IDH3B: variants seen among roughly 807,000 people sequenced by gnomAD.
The protein encoded by IDH3B is isocitrate dehydrogenase [NAD] subunit beta, mitochondrial.
IDH3B carries 40 observed loss-of-function variants against 47.5 expected under a neutral mutation model. That is an observed-to-expected ratio of 0.84 (90% CI 0.65 to 1.10). The LOEUF (loss-of-function observed/expected upper bound fraction) is 1.10, where lower values mean the gene tolerates loss of function less well. IDH3B is among the 50% of genes least tolerant of loss of function. The pLI is 0.00. For synonymous variants in IDH3B, 185 were observed against 191.0 expected (o/e 0.97, Z 0.26); for missense variants, 450 against 505.2 (o/e 0.89, Z 1.05).
At chr20:2,663,053 G>A (rs760321697) in intron 4 of IDH3B, among the ~76,000 whole-genome samples, 1 of 152,150 alleles carries the variant, frequency 6.6e-6, no homozygotes, top group African/African-American at 2.4e-5. Context: ...CTTGAACCAG[G>A]GACGGGGAGG....
chr20:2,663,400 T>C, intron 4 of IDH3B, 46 bp downstream of exon 4: 2 of 1,611,858 alleles, frequency 1.2e-6, no homozygotes, highest in South Asian at 2.2e-5. Flanking sequence ...ATTTGGTCAT[T>C]TGATTTTAAA....
chr20:2,659,310 G>A lies in IDH3B; in HGVS notation c.1071+215C>T, dbSNP rs2086890877. 4.0e-6 allele frequency: 6 copies of A among 1,512,770 alleles called. 1 individual carries two copies. The highest frequency in any genetic ancestry group is 2.8e-5 in the African/African-American group (2 of 72,296). The allele number at this position is 1,512,770 out of a possible 1,614,324, so 93.7% of individuals were successfully genotyped here. A position where few individuals can be genotyped will look rare whatever the true frequency, so the allele number is the denominator to read the frequency against. Reference sequence around the variant, plus strand: ...GCAGGAAAGAGGGAACAGCAGATGGGATCTAAGAGGCAAAAGAGATCAAGA... The same window carrying A: ...GCAGGAAAGAGGGAACAGCAGATGGAATCTAAGAGGCAAAAGAGATCAAGA... On this transcript the variant is annotated intron_variant, in intron 11 of 11. Coordinates refer to ENST00000380843, the MANE Select transcript of IDH3B (RefSeq NM_006899.5).
chr20:2,658,490 A>G lies in IDH3B; in HGVS notation c.*261T>C, dbSNP rs774682025. 1 of 1,614,126 alleles carries G rather than the reference A, an allele frequency of 6.2e-7. No homozygotes were observed. The highest frequency in any genetic ancestry group is 2.2e-5 in the East Asian group (1 of 44,884). ...TGACAGCCTCAGTGAAGTCATGGCA[A>G]GTAGCATAGCCACCCATGTCAGAGG... On this transcript the variant is annotated 3_prime_UTR_variant, in exon 12 of 12. Coordinates refer to ENST00000380843, the MANE Select transcript of IDH3B (RefSeq NM_006899.5).
rs774105077 is a variant in IDH3B at position 2,660,767 on chromosome 20, C to G, written c.461G>C (p.Arg154Pro). 1 of 1,614,122 alleles carries G rather than the reference C, an allele frequency of 6.2e-7. No homozygotes were observed. Among genetic ancestry groups the G allele is most frequent in the Non-Finnish European group, 8.5e-7 (1 of 1,180,038 alleles). ...HVKSLPGYMT[R>P]HNNLDLVIIR... The stretch of plus-strand genomic sequence containing the variant: ...GATCACCAGGTCTAGATTGTTGTGC[C>G]GAGTCATATACCCAGGAAGTGACTT... Residue 154 changes from arginine to proline, a missense_variant, in exon 6 of 12, where the codon CGG (arginine) becomes CCG (proline). Coordinates refer to ENST00000380843, the MANE Select transcript of IDH3B (RefSeq NM_006899.5). This position sits in a 1 kb window ranked among gnomAD's most constrained non-coding sequence, Gnocchi z 5.6.
chr20:2,659,551 C>A lies in IDH3B; in HGVS notation c.1045G>T (p.Val349Leu). Residue 349 changes from valine (V) to leucine (L), a missense_variant, in exon 11 of 12, where the codon GTG (valine) becomes TTG (leucine). Transcript: ENST00000380843. ...EYHSSMIADA[V>L]KKVIKVGKVR... ...TTGCCAACTTTGATCACCTTCTTCA[C>A]CGCATCTGCGATCATGCTGGAGTGA... 6.2e-7 allele frequency: 1 copy of A among 1,614,254 alleles called. No individual in the cohort carries two copies. Among genetic ancestry groups the A allele is most frequent in the African/African-American group, 1.3e-5 (1 of 75,080 alleles).
chr20:2,663,050 C>G (rs899038126), intron 4 of IDH3B, among the ~76,000 whole-genome samples: 2 of 151,778 alleles, frequency 1.3e-5, no homozygotes, highest in Non-Finnish European at 2.9e-5. Context: ...TTGCTTGAAC[C>G]AGGGACGGGG....
rs760302966 is a variant in IDH3B at position 2,663,935 on chromosome 20, G to A, written c.107C>T (p.Ser36Leu). Residue 36 changes from serine (S) to leucine (L), a missense_variant, in exon 2 of 12, where the codon TCG (serine) becomes TTG (leucine). Ser to Leu is a moderately radical substitution (Grantham distance 145). Coordinates refer to ENST00000380843, the MANE Select transcript of IDH3B (RefSeq NM_006899.5). ...LSTSAAAHAA[S>L]RSQAEDVRVE... is the part of the protein sequence containing the mutation. ...CAGATTCGTGCATACCTGGCTCCGC[G>A]ATGCAGCGTGCGCCGCGGCCGAGGT... is the stretch of plus-strand genomic sequence containing the variant. The A allele has an allele frequency of 1.9e-6, 3 of 1,614,084 alleles. No individual in the cohort carries two copies. The highest frequency in any genetic ancestry group is 2.5e-6 in the Non-Finnish European group (3 of 1,179,982).
In IDH3B at chr20:2,658,531, G is replaced by C. The variant is rs747001383; in HGVS notation, c.*220C>G. ...ATGTCAGAGGTTCGAACCTGTGGGG[G>C]AGAATCATCATCATCCATGTGGCCT... is the stretch of plus-strand genomic sequence containing the variant. On this transcript the variant is annotated 3_prime_UTR_variant, in exon 12 of 12. Coordinates refer to ENST00000380843, the MANE Select transcript of IDH3B (RefSeq NM_006899.5). 8 of 1,613,874 alleles carry C rather than the reference G, an allele frequency of 5.0e-6. No homozygotes were observed. Among genetic ancestry groups the C allele is most frequent in the Non-Finnish European group, 6.8e-6 (8 of 1,179,934 alleles).
rs781406114 is a variant in IDH3B, at chr20:2,663,757, G to A, written c.119C>T (p.Ala40Val). The change falls in exon 3 of 12, where the codon GCC becomes GTC. Residue 40 changes from alanine to valine, a missense_variant and splice_region_variant. Physicochemically the swap from Ala to Val is moderately conservative, Grantham distance 64. Transcript: ENST00000380843. ...GGAGCCCTCCACCCTCACGTCCTCG[G>A]CCTCAATTGGGGGAAGAGGGGAGAA... ...AAAHAASRSQ[A>V]EDVRVEGSFP... 6.2e-6 allele frequency: 10 copies of A among 1,613,820 alleles called. No homozygotes were observed. Among genetic ancestry groups the A allele is most frequent in the African/African-American group, 2.7e-5 (2 of 74,894 alleles).
At position 2,660,885 on chromosome 20, in the gene IDH3B, A is replaced by T. The variant is rs1186281767; in HGVS notation, c.398+24T>A. On this transcript the variant is annotated intron_variant, in intron 5 of 11. Transcript: ENST00000380843. This position sits in a 1 kb window ranked among gnomAD's most constrained non-coding sequence, Gnocchi z 5.6. Reference sequence around the variant, plus strand: ...CCTGGTGCCCTGGCACCTCTCAACCATTCACCCCACCCAGACCACCTACCT... The same window carrying T: ...CCTGGTGCCCTGGCACCTCTCAACCTTTCACCCCACCCAGACCACCTACCT... 5.0e-6 allele frequency: 8 copies of T among 1,613,960 alleles called. No individual in the cohort carries two copies. The highest frequency in any genetic ancestry group is 6.8e-6 in the Non-Finnish European group (8 of 1,180,024).
chr20:2,662,180 G>T (rs1442814735), intron 4 of IDH3B, among the ~76,000 whole-genome samples: 10 of 152,210 alleles, frequency 6.6e-5, no homozygotes, highest in African/African-American at 2.2e-4. Flanking sequence ...CAGGTTCATG[G>T]TAGTGTGTTA....
chr20:2,661,177 C>CTGTGTGTGTGTGTGTGTGTG (rs71329398), intron 4 of IDH3B, among the ~76,000 whole-genome samples: 34 of 150,166 alleles, frequency 2.3e-4, no homozygotes, highest in Middle Eastern at 3.5e-3. Context: ...ATTGCATTTT[C>CTGTGTGTGTGTGTGTGTGTG]TGTGTGTGTG....
rs772371292 is a variant in IDH3B, at chr20:2,659,650, GCTC to G, written c.1010+46_1010+48del. On this transcript the variant is annotated intron_variant, in intron 10 of 11. Transcript: ENST00000380843. ...ACACCTCCCGCTAATTTCCCCACCT[GCTC>G]CTCCTCACGACACCCAACCTCTGCC... is the stretch of plus-strand genomic sequence containing the variant. 9 of 1,606,202 alleles carry G rather than the reference GCTC, an allele frequency of 5.6e-6. No individual in the cohort carries two copies. In the African/African-American group the frequency reaches 9.4e-5, roughly 17 times the overall value.
chr20:2,659,927 G>A (rs2086909145), intron 9 of IDH3B, 103 bp downstream of exon 9: 2 of 1,521,144 alleles, frequency 1.3e-6, no homozygotes, highest in East Asian at 2.3e-5. Context: ...GGCAGCGTGG[G>A]GGAAGAACAG....
At chr20:2,659,840 T>C (rs749249695) in intron 9 of IDH3B, 47 bp from the exon 10 acceptor site, 2 of 1,496,728 alleles carry the variant, frequency 1.3e-6, no homozygotes, top group African/African-American at 2.8e-5. Context: ...GCAGGAGGGG[T>C]ATGCAGAGGC....
chr20:2,663,448 A>G lies in IDH3B; in HGVS notation c.335T>C (p.Ile112Thr). ...AAGTGGCAAGAGGGCACACATACCA[A>G]TGATGGCCACTTTGTTCTCCTTCAT... ...SSMKENKVAI[I>T]GKIHTPMEYK... is the part of the protein sequence containing the mutation. Residue 112 changes from isoleucine to threonine, a missense_variant and splice_region_variant, in exon 4 of 12, where the codon ATT becomes ACT. By Grantham distance (89) the Ile-to-Thr change is moderately conservative. Coordinates refer to ENST00000380843, the MANE Select transcript of IDH3B (RefSeq NM_006899.5). The G allele has an allele frequency of 1.9e-6, 3 of 1,614,236 alleles. No homozygotes were observed. The highest frequency in any genetic ancestry group is 2.5e-6 in the Non-Finnish European group (3 of 1,180,042).
chr20:2,659,184 G>T, intron 11 of IDH3B: 1 of 1,435,592 alleles, frequency 7.0e-7, no homozygotes, highest in South Asian at 1.5e-5. Flanking sequence ...GCGTGAAGGT[G>T]AAGCTGATGC....
intron 11 of IDH3B, chr20:2,659,213 C>A: frequency 7.2e-7 from 1 of 1,396,108 alleles, no homozygotes; most frequent in Non-Finnish European, 9.2e-7. Flanking sequence ...GCCTGTATCC[C>A]TTGCTGTTCC....
intron 4 of IDH3B, among the ~76,000 whole-genome samples, chr20:2,662,628 G>A (rs2086968131): frequency 6.6e-6 from 1 of 152,158 alleles, no homozygotes; most frequent in African/African-American, 2.4e-5. Flanking sequence ...AGACCAGCCT[G>A]GCCAACATGG....
Sources: allele counts gnomAD v4.1 joint callset (sites outside exome capture counted in the v4.1 genomes callset), GRCh38; gene constraint gnomAD v4.1.1; non-coding constraint Gnocchi (gnomAD v3.1); transcripts MANE v1.5; gene names NCBI Gene and HGNC (gene_info 2026-07-23, HGNC 2026-07-21).